Variants in TIMD4 observed in about 807,000 individuals in gnomAD.
The protein encoded by TIMD4 is T-cell immunoglobulin and mucin domain-containing protein 4.
TIMD4 carries 31 observed loss-of-function variants against 41.2 expected under a neutral mutation model. The ratio of observed to expected loss-of-function variants is 0.75; its 90% CI spans 0.57 to 1.01. The LOEUF is 1.01. Ranked by LOEUF, TIMD4 falls within the 50% of genes least tolerant of loss-of-function variation. The pLI is 0.00. For missense variants in TIMD4, 479 were observed against 472.5 expected, an observed-to-expected ratio of 1.01 and a Z score of -0.13; for synonymous variants, 204 against 177.1, an observed-to-expected ratio of 1.15 and a Z score of -1.21.
At chr5:156,947,042 C>T (rs1023775063) in intron 5 of TIMD4, among the ~76,000 whole-genome samples, 1 of 151,532 alleles carries the variant, frequency 6.6e-6, no homozygotes, top group Non-Finnish European at 1.5e-5. Flanking sequence ...TACTAAAATA[C>T]AAAAAATTAG....
In TIMD4 at chr5:156,919,344, A is replaced by G. The variant is rs1759192906; in HGVS notation, c.*113T>C. On this transcript the variant is annotated 3_prime_UTR_variant, in exon 9 of 9. Transcript: ENST00000274532. ...ATGAAACTAAAGCAAGCCTGGATCA[A>G]TGACATCCATGGAATAAGTGAGTCT... 22 of 952,980 alleles carry G rather than the reference A, an allele frequency of 2.3e-5. No individual in the cohort carries two copies. In the South Asian group the frequency reaches 3.4e-4, roughly 15 times the overall value. 59.0% of individuals were successfully genotyped at this position (952,980 alleles called of 1,614,324 possible).
intron 6 of TIMD4, among the ~76,000 whole-genome samples, chr5:156,925,633 T>C (rs974448208): frequency 2.0e-5 from 3 of 152,232 alleles, no homozygotes; most frequent in East Asian, 1.9e-4. Context: ...GAAATATTGA[T>C]GGCAGGTGTT....
chr5:156,920,541 C>T lies in TIMD4; in HGVS notation c.1013-38G>A, dbSNP rs199732568. The T allele has an allele frequency of 2.1e-4, 335 of 1,608,952 alleles. 1 individual carries two copies. The highest frequency in any genetic ancestry group is 1.3e-3 in the Admixed American group (79 of 59,970). On this transcript the variant is annotated intron_variant, in intron 7 of 8. Coordinates refer to ENST00000274532, the MANE Select transcript of TIMD4 (RefSeq NM_138379.3). ...GGCCACAGTGTGAGCAGAGTGGCTG[C>T]GGTGCATAGAACATGCAAAATGCTG... is the stretch of plus-strand genomic sequence containing the variant.
At chr5:156,957,563 C>A (rs1490729820) in intron 1 of TIMD4, among the ~76,000 whole-genome samples, 5 of 151,014 alleles carry the variant, frequency 3.3e-5, no homozygotes, top group Non-Finnish European at 5.9e-5. Flanking sequence ...AGTGGGAAGT[C>A]CATTTTGCCT....
Position 156,924,246 on chromosome 5 carries a change from C to T in TIMD4, c.894+2017G>A, listed in dbSNP as rs13356846. On this transcript the variant is annotated intron_variant, in intron 6 of 8. Transcript: ENST00000274532. The stretch of plus-strand genomic sequence containing the variant: ...ATGAAGGTTTATGAGTTTTACTCTA[C>T]TAAGTTCTCGAGGGCTAATCTAAAC... 5.1e-3 allele frequency: 2,006 copies of T among 391,732 alleles called. 34 individuals are homozygous for T. Among genetic ancestry groups the T allele is most frequent in the African/African-American group, 0.039 (1,843 of 47,722 alleles). 24.3% of individuals were successfully genotyped at this position (391,732 alleles called of 1,614,324 possible). A position where few individuals can be genotyped will look rare whatever the true frequency, so the allele number is the denominator to read the frequency against.
chr5:156,934,121 A>G (rs1273321032), intron 5 of TIMD4, among the ~76,000 whole-genome samples: 3 of 152,212 alleles, frequency 2.0e-5, no homozygotes, highest in East Asian at 1.9e-4. Flanking sequence ...CACTTTTAAT[A>G]TCATCCCCGT....
At position 156,948,406 on chromosome 5, in the gene TIMD4, G is replaced by GC. The variant is rs763265419; in HGVS notation, c.844+9dup. On this transcript the variant is annotated intron_variant, in intron 5 of 8. Transcript: ENST00000274532. ...GTAAAATAAAATAAAAAAAATCACA[G>GC]CCCCCCTACCTCCAGGCTGAGGAGA... 38 of 1,378,018 alleles carry GC rather than the reference G, an allele frequency of 2.8e-5. No homozygotes were observed. Among genetic ancestry groups the GC allele is most frequent in the Middle Eastern group, 1.9e-4 (1 of 5,158 alleles). 85.4% of individuals were successfully genotyped at this position (1,378,018 alleles called of 1,614,324 possible). A position where few individuals can be genotyped will look rare whatever the true frequency, so the allele number is the denominator to read the frequency against.
intron 5 of TIMD4, among the ~76,000 whole-genome samples, chr5:156,933,209 T>C (rs2113354700): frequency 6.6e-6 from 1 of 152,120 alleles, no homozygotes; most frequent in Non-Finnish European, 1.5e-5. Flanking sequence ...CAATAATCTA[T>C]TGTTATGAGG....
chr5:156,930,307 T>C (rs1759423637), intron 5 of TIMD4, among the ~76,000 whole-genome samples: 1 of 152,102 alleles, frequency 6.6e-6, no homozygotes, highest in Admixed American at 6.5e-5. Context: ...GAGACAGACA[T>C]TATGCCATAT....
chr5:156,926,331 G>C lies in TIMD4; in HGVS notation c.845-19C>G. Reference sequence around the variant, plus strand: ...TCAGATGCTGGGAAGGAAAAGAGAAGAAAATGGTTATATGTCTGGTTGGGG... The same window carrying C: ...TCAGATGCTGGGAAGGAAAAGAGAACAAAATGGTTATATGTCTGGTTGGGG... On this transcript the variant is annotated intron_variant, in intron 5 of 8. Coordinates refer to ENST00000274532, the MANE Select transcript of TIMD4 (RefSeq NM_138379.3). 1 of 1,613,196 alleles carries C rather than the reference G, an allele frequency of 6.2e-7. No homozygotes were observed. Among genetic ancestry groups the C allele is most frequent in the African/African-American group, 1.3e-5 (1 of 75,028 alleles).
intron 6 of TIMD4, among the ~76,000 whole-genome samples, chr5:156,925,653 G>C (rs1302122878): frequency 6.6e-6 from 1 of 152,230 alleles, no homozygotes; most frequent in African/African-American, 2.4e-5. Flanking sequence ...TGATTCTGCA[G>C]TATGTCATGA....
chr5:156,941,040 T>A (rs146301411), intron 5 of TIMD4, among the ~76,000 whole-genome samples: 4,963 of 147,398 alleles, frequency 0.034, 97 homozygotes, highest in East Asian at 0.065. Context: ...CTCTGAAACA[T>A]GTGCTGTGTC....
intron 5 of TIMD4, among the ~76,000 whole-genome samples, chr5:156,947,141 T>C (rs1759759446): frequency 6.6e-6 from 1 of 151,794 alleles, no homozygotes; most frequent in African/African-American, 2.4e-5. Context: ...GAGGTTGCAG[T>C]GAGCGGAGAT....
Position 156,949,712 on chromosome 5 carries a change from G to A in TIMD4, c.699C>T (p.Pro233=). The A allele has an allele frequency of 6.2e-7, 1 of 1,612,968 alleles. No homozygotes were observed. The highest frequency in any genetic ancestry group is 1.7e-4 in the Middle Eastern group (1 of 6,054). The change falls in exon 4 of 9, where the codon CCC becomes CCT. Residue 233 remains proline, a synonymous_variant. Transcript: ENST00000274532. ...ILTAESETVL[P]SDSWSSVEST... ...ACTCAACACTACTCCAGGAATCACT[G>A]GGGAGGACAGTTTCTGATTCTGGAA...
At chr5:156,959,522 C>T (rs1203500907) in intron 1 of TIMD4, among the ~76,000 whole-genome samples, 1 of 152,180 alleles carries the variant, frequency 6.6e-6, no homozygotes, top group Non-Finnish European at 1.5e-5. Flanking sequence ...GGTATCAAAC[C>T]AGTTTCACTT....
At chr5:156,933,544 GTTGTTTTGTTTTGTTTTGTT>G (rs60102527) in intron 5 of TIMD4, among the ~76,000 whole-genome samples, 1 of 144,248 alleles carries the variant, frequency 6.9e-6, no homozygotes, top group Non-Finnish European at 1.5e-5. Context: ...GGGTGAGAGT[GTTGTTTTGTTTTGTTTTGTT>G]TTGTTTTGTT....
chr5:156,957,339 C>G (rs571039958), intron 1 of TIMD4, among the ~76,000 whole-genome samples: 1 of 151,684 alleles, frequency 6.6e-6, no homozygotes, highest in African/African-American at 2.4e-5. Flanking sequence ...CATGGTAAAA[C>G]CCCATATCTA....
intron 1 of TIMD4, among the ~76,000 whole-genome samples, chr5:156,958,999 G>A (rs529719882): frequency 6.6e-6 from 1 of 152,238 alleles, no homozygotes; most frequent in East Asian, 1.9e-4. Flanking sequence ...GTTTTTGTGG[G>A]CTCAGACTTT....
At chr5:156,946,963 C>G (rs1284739837) in intron 5 of TIMD4, among the ~76,000 whole-genome samples, 1 of 151,644 alleles carries the variant, frequency 6.6e-6, no homozygotes, top group East Asian at 2.0e-4. Flanking sequence ...TTTGGGAGGC[C>G]GAGGCAGGTG....
Sources: allele counts gnomAD v4.1 joint callset (sites outside exome capture counted in the v4.1 genomes callset), GRCh38; gene constraint gnomAD v4.1.1; transcripts MANE v1.5; gene names NCBI Gene and HGNC (gene_info 2026-07-23, HGNC 2026-07-21).